The following LRRC7 variants were observed in gnomAD, a reference collection of about 807,000 sequenced individuals.
The protein encoded by LRRC7 is leucine-rich repeat-containing protein 7.
A neutral mutation model predicts 175.7 loss-of-function variants in LRRC7; 23 were observed. That is an observed-to-expected ratio of 0.13 (90% CI 0.09 to 0.19). LRRC7 has a LOEUF of 0.19. Ranked by LOEUF, LRRC7 falls within the 10% of genes least tolerant of loss-of-function variation. The pLI is 1.00. For synonymous variants in LRRC7, 685 were observed against 680.9 expected, an observed-to-expected ratio of 1.01 and a Z score of -0.09; for missense variants, 1,354 against 1,904.7, an observed-to-expected ratio of 0.71 and a Z score of 5.38.
chr1:70,130,983 T>C lies in LRRC7; in HGVS notation c.*9096T>C, dbSNP rs1666641071. ...AGCATGACAATGTTTACACACTGCA[T>C]TTTGGCATCATTTCATGAATAGATC... On this transcript the variant is annotated 3_prime_UTR_variant, in exon 27 of 27. Transcript: ENST00000651989. Among the ~76,000 whole-genome samples the C allele has an allele frequency of 6.6e-6, 1 of 152,204 alleles. No homozygotes were observed. Among genetic ancestry groups the C allele is most frequent in the African/African-American group, 2.4e-5 (1 of 41,458 alleles).
chr1:69,879,255 A>G (rs1570466771), intron 7 of LRRC7, among the ~76,000 whole-genome samples: 1 of 149,788 alleles, frequency 6.7e-6, no homozygotes. Context: ...ACTGGCCAGA[A>G]TATGCCTGCC....
chr1:70,025,184 A>G (rs1571062611), intron 17 of LRRC7, among the ~76,000 whole-genome samples: 1 of 151,700 alleles, frequency 6.6e-6, no homozygotes, highest in African/African-American at 2.4e-5. Context: ...AGCTGCTGCA[A>G]TGGGTTGTGA....
chr1:69,942,411 GTTACTT>G (rs1474899359), intron 8 of LRRC7, among the ~76,000 whole-genome samples: 3 of 152,092 alleles, frequency 2.0e-5, no homozygotes, highest in Admixed American at 2.0e-4. Flanking sequence ...ATATACCTGT[GTTACTT>G]TTCTATTTCT....
chr1:69,929,153 T>TA (rs1294257707), intron 7 of LRRC7, among the ~76,000 whole-genome samples: 4 of 152,172 alleles, frequency 2.6e-5, no homozygotes. Flanking sequence ...CTTCATCTGT[T>TA]ATAGGTAAAT....
At chr1:69,685,223 C>G (rs1570347893) in intron 2 of LRRC7, among the ~76,000 whole-genome samples, 1 of 152,266 alleles carries the variant, frequency 6.6e-6, no homozygotes, top group East Asian at 1.9e-4. Flanking sequence ...AGTCCAAAAC[C>G]TATAAGCTAA....
At chr1:69,900,871 C>G (rs934976390) in intron 7 of LRRC7, among the ~76,000 whole-genome samples, 1 of 152,116 alleles carries the variant, frequency 6.6e-6, no homozygotes, top group African/African-American at 2.4e-5. Flanking sequence ...ACCTCCAAAA[C>G]TAAATCTACC....
intron 11 of LRRC7, among the ~76,000 whole-genome samples, chr1:70,006,387 G>A (rs986971081): frequency 5.3e-5 from 8 of 151,130 alleles, no homozygotes; most frequent in South Asian, 2.1e-4. Context: ...AAGGAGAATC[G>A]CTTGAACCCG....
intron 18 of LRRC7, among the ~76,000 whole-genome samples, chr1:70,035,568 G>C (rs765602693): frequency 6.7e-6 from 1 of 149,098 alleles, no homozygotes; most frequent in Non-Finnish European, 1.5e-5. Flanking sequence ...GGAGGAAAGC[G>C]GTGGGAAGAG....
intron 4 of LRRC7, among the ~76,000 whole-genome samples, chr1:69,814,960 T>A (rs1678406337): frequency 6.6e-6 from 1 of 151,958 alleles, no homozygotes; most frequent in South Asian, 2.1e-4. Flanking sequence ...TTTTGTGAGG[T>A]TTTTTTTATC....
chr1:70,082,812 T>TTTTTTTTTTTTC (rs1663321284), intron 24 of LRRC7, among the ~76,000 whole-genome samples: 1 of 139,690 alleles, frequency 7.2e-6, no homozygotes, highest in African/African-American at 2.8e-5. Context: ...TTTTTTTTTT[T>TTTTTTTTTTTTC]GAGACAAAGC....
intron 21 of LRRC7, 79 bp downstream of exon 21, chr1:70,039,872 G>A: frequency 6.9e-7 from 1 of 1,448,088 alleles, no homozygotes; most frequent in Non-Finnish European, 9.3e-7. Flanking sequence ...CACATGTAGT[G>A]AAGCATGAAC....
intron 1 of LRRC7, among the ~76,000 whole-genome samples, chr1:69,591,814 G>A (rs1646646688): frequency 6.6e-6 from 1 of 151,902 alleles, no homozygotes; most frequent in Non-Finnish European, 1.5e-5. Flanking sequence ...TCATTAGCAA[G>A]CTTATCACAT....
chr1:69,845,924 G>T (rs1228811836), intron 7 of LRRC7, among the ~76,000 whole-genome samples: 4 of 151,984 alleles, frequency 2.6e-5, no homozygotes, highest in Admixed American at 1.3e-4. Flanking sequence ...CAGTGTTTTT[G>T]CTGAACCCAT....
chr1:69,605,434 A>T (rs1647380691), intron 1 of LRRC7, among the ~76,000 whole-genome samples: 2 of 152,196 alleles, frequency 1.3e-5, no homozygotes, highest in African/African-American at 2.4e-5. Context: ...GACCTGGATG[A>T]TTCTATTAAA....
chr1:69,922,740 C>T (rs114349236), intron 7 of LRRC7, among the ~76,000 whole-genome samples: 2,078 of 152,142 alleles, frequency 0.014, 41 homozygotes, highest in African/African-American at 0.048. Context: ...GATCTGTCAG[C>T]GGCTTTTGTC....
intron 8 of LRRC7, among the ~76,000 whole-genome samples, chr1:69,979,078 G>T (rs1653142207): frequency 6.6e-6 from 1 of 152,120 alleles, no homozygotes; most frequent in South Asian, 2.1e-4. Flanking sequence ...TCCCAGGACT[G>T]CAGAGAAAAG....
intron 1 of LRRC7, among the ~76,000 whole-genome samples, chr1:69,673,618 T>G (rs1387998017): frequency 6.6e-6 from 1 of 152,168 alleles, no homozygotes; most frequent in African/African-American, 2.4e-5. Context: ...ATAATGGTGG[T>G]GAAAGAGTTC....
intron 7 of LRRC7, among the ~76,000 whole-genome samples, chr1:69,928,888 C>G (rs558496130): frequency 6.6e-6 from 1 of 152,326 alleles, no homozygotes; most frequent in Admixed American, 6.5e-5. Context: ...AGAAATCACC[C>G]GTCTTCTGCG....
At position 69,681,500 on chromosome 1, in the gene LRRC7, C is replaced by A. The variant is rs528528091; in HGVS notation, c.100+3022C>A. On this transcript the variant is annotated intron_variant, in intron 2 of 26. Transcript: ENST00000651989. ...TTTGCAATGTTAAAATCAACATAGA[C>A]GTAGATCTAAGTTATTTAATGGGAA... Among the ~76,000 whole-genome samples the A allele has an allele frequency of 1.8e-4, 28 of 152,130 alleles. No individual in the cohort carries two copies. The South Asian group carries it at 3.7e-3, about 20-fold the overall frequency.
Sources: gnomAD v4.1 joint callset for allele counts (sites outside exome capture counted in the v4.1 genomes callset) on GRCh38, gnomAD v4.1.1 for gene constraint, MANE v1.5 for transcripts, NCBI Gene and HGNC (gene_info 2026-07-23, HGNC 2026-07-21) for gene names.